KHDRBS2: variants seen among roughly 807,000 people sequenced by gnomAD.
The protein encoded by KHDRBS2 is KH RNA binding domain containing, signal transduction associated 2.
KHDRBS2 carries 26 observed loss-of-function variants against 44.3 expected under a neutral mutation model. The ratio of observed to expected loss-of-function variants is 0.59; its 90% confidence interval spans 0.43 to 0.81. KHDRBS2 has a LOEUF of 0.81. KHDRBS2 is among the 40% of genes least tolerant of loss of function. KHDRBS2 has a pLI of 0.00. For missense variants in KHDRBS2, 476 were observed against 433.1 expected, an observed-to-expected ratio of 1.10 and a Z score of -0.88; for synonymous variants, 194 against 151.1, an observed-to-expected ratio of 1.28 and a Z score of -2.08.
At chr6:61,647,398 G>A in the KHDRBS2 span, among the ~76,000 whole-genome samples, 1 of 152,002 alleles carries the variant, frequency 6.6e-6, no homozygotes, top group African/African-American at 2.4e-5. Flanking sequence ...GAAACATGGT[G>A]TTTATGTAAG....
At chr6:62,283,656 T>C (rs1363344580) in intron 1 of KHDRBS2, among the ~76,000 whole-genome samples, 1 of 152,146 alleles carries the variant, frequency 6.6e-6, no homozygotes, top group Non-Finnish European at 1.5e-5. Flanking sequence ...ATCTCAACCA[T>C]ACTCTTCTAT....
At chr6:61,983,589 T>C (rs765110687) in intron 3 of KHDRBS2, among the ~76,000 whole-genome samples, 4 of 152,094 alleles carry the variant, frequency 2.6e-5, no homozygotes, top group Admixed American at 6.5e-5. Context: ...TGGTTGGTTC[T>C]TGGCTTGGTT....
At chr6:61,637,281 G>T in the KHDRBS2 span, among the ~76,000 whole-genome samples, 1 of 151,988 alleles carries the variant, frequency 6.6e-6, no homozygotes, top group Non-Finnish European at 1.5e-5. Flanking sequence ...AGAATATGCG[G>T]TGTTTGTTTT....
chr6:61,642,889 G>C, the KHDRBS2 span, among the ~76,000 whole-genome samples: 1 of 151,864 alleles, frequency 6.6e-6, no homozygotes, highest in African/African-American at 2.4e-5. Context: ...AAATAGTTTT[G>C]GTTCATTAAA....
At chr6:62,267,695 G>A (rs1839422496) in intron 1 of KHDRBS2, among the ~76,000 whole-genome samples, 1 of 151,998 alleles carries the variant, frequency 6.6e-6, no homozygotes. Context: ...ATGTGGAAAT[G>A]CACCAGAGAT....
At chr6:61,936,310 T>C (rs1268083884) in intron 4 of KHDRBS2, among the ~76,000 whole-genome samples, 1 of 152,086 alleles carries the variant, frequency 6.6e-6, no homozygotes, top group Non-Finnish European at 1.5e-5. Flanking sequence ...ACAGGCAAAC[T>C]GGCTTCAAAA....
chr6:62,199,541 C>T (rs1406726226), intron 1 of KHDRBS2, among the ~76,000 whole-genome samples: 5 of 152,156 alleles, frequency 3.3e-5, no homozygotes, highest in Admixed American at 2.0e-4. Context: ...TGTGAAAGAC[C>T]TCTTCAAGGA....
At chr6:61,847,646 T>A (rs1325411547) in intron 6 of KHDRBS2, among the ~76,000 whole-genome samples, 1 of 146,148 alleles carries the variant, frequency 6.8e-6, no homozygotes, top group Admixed American at 6.8e-5. Flanking sequence ...GTTTTCTTTC[T>A]GTCTTTGTAA....
At chr6:62,229,018 T>C (rs746859096) in intron 1 of KHDRBS2, among the ~76,000 whole-genome samples, 35 of 152,142 alleles carry the variant, frequency 2.3e-4, no homozygotes, top group Non-Finnish European at 3.7e-4. Flanking sequence ...ACAAAGCACT[T>C]TGACTGTCCC....
chr6:62,021,761 GATA>G (rs1023115944), intron 3 of KHDRBS2, among the ~76,000 whole-genome samples: 4 of 151,424 alleles, frequency 2.6e-5, no homozygotes, highest in African/African-American at 9.7e-5. Context: ...AATATTAAAG[GATA>G]ATCTTTCACT....
intron 1 of KHDRBS2, among the ~76,000 whole-genome samples, chr6:62,255,731 C>T (rs1209430866): frequency 6.6e-6 from 1 of 151,802 alleles, no homozygotes; most frequent in Non-Finnish European, 1.5e-5. Flanking sequence ...TCCTGGTACT[C>T]CATCTCAGAA....
intron 2 of KHDRBS2, among the ~76,000 whole-genome samples, chr6:62,144,138 C>T (rs1813436120): frequency 6.6e-6 from 1 of 151,770 alleles, no homozygotes; most frequent in Admixed American, 6.6e-5. Context: ...TTTCATATTT[C>T]TCTATTTACT....
chr6:61,822,990 G>C (rs921485402), intron 6 of KHDRBS2, among the ~76,000 whole-genome samples: 10 of 151,976 alleles, frequency 6.6e-5, no homozygotes, highest in Admixed American at 2.0e-4. Context: ...TTCCTATGTG[G>C]GTAGTTTTTT....
In KHDRBS2 at chr6:61,929,406, C is replaced by T. The variant is rs1423670510; in HGVS notation, c.484-28035G>A. On this transcript the variant is annotated intron_variant, in intron 4 of 8. Coordinates refer to ENST00000281156, the MANE Select transcript of KHDRBS2 (RefSeq NM_152688.4). ...AGTTTTTCAACCTGCACCAATTTGG[C>T]TTAAGGAATATTTTATTACAGTAAC... 2.0e-5 allele frequency among the ~76,000 whole-genome samples: 3 copies of T among 152,086 alleles called. No individual in the cohort carries two copies. The East Asian group carries it at 5.8e-4, about 29-fold the overall frequency.
chr6:62,271,389 C>G (rs1739974389), intron 1 of KHDRBS2, among the ~76,000 whole-genome samples: 1 of 152,110 alleles, frequency 6.6e-6, no homozygotes, highest in African/African-American at 2.4e-5. Flanking sequence ...GTATAGCACA[C>G]ACAATCATGT....
chr6:61,574,069 T>A, the KHDRBS2 span, among the ~76,000 whole-genome samples: 1 of 152,120 alleles, frequency 6.6e-6, no homozygotes, highest in African/African-American at 2.4e-5. Flanking sequence ...GGTGCTGGGA[T>A]AATTAGCAAG....
At chr6:62,071,694 G>A (rs1367384101) in intron 2 of KHDRBS2, among the ~76,000 whole-genome samples, 7 of 151,936 alleles carry the variant, frequency 4.6e-5, no homozygotes, top group Admixed American at 6.6e-5. Flanking sequence ...TGTTCCATTG[G>A]TCTATATCTC....
At chr6:61,931,275 G>A (rs747397077) in intron 4 of KHDRBS2, among the ~76,000 whole-genome samples, 6 of 151,956 alleles carry the variant, frequency 3.9e-5, no homozygotes, top group South Asian at 2.1e-4. Flanking sequence ...TCATAAATCC[G>A]TAACCCTCTG....
At chr6:61,653,157 G>A in the KHDRBS2 span, among the ~76,000 whole-genome samples, 1 of 152,026 alleles carries the variant, frequency 6.6e-6, no homozygotes, top group Non-Finnish European at 1.5e-5. Flanking sequence ...CTTAAATTTA[G>A]GAAGACAAAC....
Sources: allele counts gnomAD v4.1 joint callset (sites outside exome capture counted in the v4.1 genomes callset), GRCh38; gene constraint gnomAD v4.1.1; transcripts MANE v1.5; gene names NCBI Gene and HGNC (gene_info 2026-07-23, HGNC 2026-07-21).